KLF12: variants seen among roughly 807,000 people sequenced by gnomAD.
KLF12 encodes Krueppel-like factor 12.
A neutral mutation model predicts 37.8 loss-of-function variants in KLF12; 9 were observed. That is an observed-to-expected ratio of 0.24 (90% CI 0.14 to 0.42). The LOEUF is 0.42. Among genes scored for constraint, KLF12 ranks in the 10% least tolerant of loss-of-function variants. KLF12 has a pLI of 1.00. For synonymous variants in KLF12, 208 were observed against 202.1 expected (o/e 1.03, Z -0.25); for missense variants, 411 against 516.0 (o/e 0.80, Z 1.97).
At chr13:74,122,965 A>AG (rs1877722511) in intron 1 of KLF12, among the ~76,000 whole-genome samples, 1 of 150,870 alleles carries the variant, frequency 6.6e-6, no homozygotes, top group Admixed American at 6.6e-5. Context: ...GTCACTAAAA[A>AG]AAAAAAAAAA....
intron 1 of KLF12, among the ~76,000 whole-genome samples, chr13:74,082,636 T>C (rs968583355): frequency 6.6e-6 from 1 of 152,172 alleles, no homozygotes; most frequent in African/African-American, 2.4e-5. Context: ...TTAGTGAAGA[T>C]GAACATGTAC....
At chr13:74,214,534 C>T in the KLF12 span, among the ~76,000 whole-genome samples, 1 of 152,048 alleles carries the variant, frequency 6.6e-6, no homozygotes, top group Non-Finnish European at 1.5e-5. Flanking sequence ...TGGTTGGGAA[C>T]AGAATTTTAG....
intron 3 of KLF12, among the ~76,000 whole-genome samples, chr13:73,889,721 T>C (rs776158304): frequency 6.6e-6 from 1 of 151,988 alleles, no homozygotes; most frequent in African/African-American, 2.4e-5. Flanking sequence ...GCAAAGATAA[T>C]GCAAAATAAA....
At chr13:73,807,924 T>C (rs988944118) in intron 5 of KLF12, among the ~76,000 whole-genome samples, 2 of 152,192 alleles carry the variant, frequency 1.3e-5, no homozygotes. Context: ...TGGTGGAACT[T>C]GATTCTTCTA....
intron 3 of KLF12, among the ~76,000 whole-genome samples, chr13:73,869,631 A>G (rs1000902166): frequency 1.3e-5 from 2 of 151,962 alleles, no homozygotes; most frequent in South Asian, 4.1e-4. Flanking sequence ...ATCCATATCT[A>G]TAACAGTTAT....
chr13:74,190,864 TCTC>T, the KLF12 span, among the ~76,000 whole-genome samples: 1 of 152,186 alleles, frequency 6.6e-6, no homozygotes, highest in Non-Finnish European at 1.5e-5. Flanking sequence ...AACTCTTTCT[TCTC>T]CTTCAGAAGA....
chr13:73,864,656 G>A (rs1399493989), intron 3 of KLF12, among the ~76,000 whole-genome samples: 1 of 152,088 alleles, frequency 6.6e-6, no homozygotes, highest in Non-Finnish European at 1.5e-5. Flanking sequence ...TTACAAAGGA[G>A]TTCAAAAGTT....
At position 73,846,212 on chromosome 13, in the gene KLF12, G is replaced by T. The variant is rs769042318; in HGVS notation, c.285C>A (p.Ala95=). ...TCATGGAAACTGGGGAGGATGAAACGGCAGTAGGGGACGTCCTGGCTTTGT... is the reference window on the plus strand; with the variant it reads ...TCATGGAAACTGGGGAGGATGAAACTGCAGTAGGGGACGTCCTGGCTTTGT... Residue 95 remains alanine, a synonymous_variant, in exon 4 of 8, where the codon GCC becomes GCA. Coordinates refer to ENST00000377669, the MANE Select transcript of KLF12 (RefSeq NM_007249.5). 1 of 1,613,996 alleles carries T rather than the reference G, an allele frequency of 6.2e-7. No homozygotes were observed. Among genetic ancestry groups the T allele is most frequent in the Non-Finnish European group, 8.5e-7 (1 of 1,180,020 alleles).
At chr13:73,888,738 T>C (rs1887354891) in intron 3 of KLF12, among the ~76,000 whole-genome samples, 1 of 152,194 alleles carries the variant, frequency 6.6e-6, no homozygotes, top group African/African-American at 2.4e-5. Flanking sequence ...TACAAGAATG[T>C]CATTTGAAAA....
chr13:74,206,922 C>A, the KLF12 span, among the ~76,000 whole-genome samples: 1 of 152,284 alleles, frequency 6.6e-6, no homozygotes, highest in Non-Finnish European at 1.5e-5. Flanking sequence ...GCTTTACAAA[C>A]CTTGTCTAAG....
chr13:74,054,265 C>A lies in KLF12; in HGVS notation c.-31-59212G>T, dbSNP rs539881794. Among the ~76,000 whole-genome samples the A allele has an allele frequency of 2.6e-5, 4 of 152,280 alleles. No individual in the cohort carries two copies. In the South Asian group the frequency reaches 8.3e-4, roughly 32 times the overall value. On this transcript the variant is annotated intron_variant, in intron 1 of 7. Transcript: ENST00000377669. ...AATTCATAAAGAGAAATCAAAGCAA[C>A]TGACTTCAGAATGATCATTTAAATT...
chr13:74,019,209 A>T (rs187001504), intron 1 of KLF12, among the ~76,000 whole-genome samples: 33 of 152,328 alleles, frequency 2.2e-4, no homozygotes, highest in African/African-American at 7.5e-4. Flanking sequence ...TTAAATACAA[A>T]TATGCAGAAA....
intron 1 of KLF12, among the ~76,000 whole-genome samples, chr13:74,119,272 C>A (rs1283942145): frequency 4.0e-5 from 6 of 151,552 alleles, no homozygotes; most frequent in Non-Finnish European, 8.8e-5. Flanking sequence ...GCGGAGGCTG[C>A]AGTGAGCCAA....
intron 4 of KLF12, among the ~76,000 whole-genome samples, chr13:73,833,267 T>G (rs1884259744): frequency 6.6e-6 from 1 of 152,212 alleles, no homozygotes; most frequent in African/African-American, 2.4e-5. Flanking sequence ...CAGCAATATC[T>G]ACGTATTAAG....
At chr13:74,099,960 C>T (rs1384184273) in intron 1 of KLF12, among the ~76,000 whole-genome samples, 2 of 152,020 alleles carry the variant, frequency 1.3e-5, no homozygotes, top group Non-Finnish European at 1.5e-5. Context: ...CCAGCAGCAC[C>T]CAGAGCCATG....
chr13:73,998,750 T>G (rs1373048425), intron 1 of KLF12, among the ~76,000 whole-genome samples: 3 of 152,262 alleles, frequency 2.0e-5, no homozygotes, highest in African/African-American at 7.2e-5. Flanking sequence ...GTTGCTTTTC[T>G]TCTACTTAAA....
In KLF12 at chr13:73,845,676, T is replaced by C. The variant is rs1454322794; in HGVS notation, c.670+151A>G. 6 of 645,156 alleles carry C rather than the reference T, an allele frequency of 9.3e-6. No homozygotes were observed. In the East Asian group the frequency reaches 1.6e-4, roughly 17 times the overall value. The allele number at this position is 645,156 out of a possible 1,614,324, so 40.0% of individuals were successfully genotyped here. On this transcript the variant is annotated intron_variant, in intron 4 of 7. Coordinates refer to ENST00000377669, the MANE Select transcript of KLF12 (RefSeq NM_007249.5). ...AGGGTGAGTTCCCTCTAAACTGTGT[T>C]CTACTTAAGGCTGAACAGCTGGTGT...
intron 4 of KLF12, among the ~76,000 whole-genome samples, chr13:73,823,605 G>T (rs1381623825): frequency 6.6e-6 from 1 of 152,126 alleles, no homozygotes; most frequent in African/African-American, 2.4e-5. Flanking sequence ...TGAAGATATG[G>T]TCTAAGACTA....
At chr13:73,933,306 C>T (rs1889769420) in intron 3 of KLF12, among the ~76,000 whole-genome samples, 1 of 152,084 alleles carries the variant, frequency 6.6e-6, no homozygotes, top group Non-Finnish European at 1.5e-5. Flanking sequence ...TTTTTCTATC[C>T]TTTCACTTTT....
Sources: gnomAD v4.1 joint callset for allele counts (sites outside exome capture counted in the v4.1 genomes callset) on GRCh38, gnomAD v4.1.1 for gene constraint, MANE v1.5 for transcripts, NCBI Gene and HGNC (gene_info 2026-07-23, HGNC 2026-07-21) for gene names.